CORIN: variants seen among roughly 807,000 people sequenced by gnomAD.
CORIN encodes atrial natriuretic peptide-converting enzyme.
Under a neutral mutation model 125.3 loss-of-function variants are expected in CORIN, and 117 were observed. That is an observed-to-expected ratio of 0.93 (90% CI 0.80 to 1.09). The LOEUF is 1.09. Among genes scored for constraint, CORIN ranks in the 50% least tolerant of loss-of-function variants. CORIN has a pLI of 0.00. For missense variants in CORIN, 1,253 were observed against 1,306.7 expected (o/e 0.96, Z 0.63); for synonymous variants, 450 against 466.4 (o/e 0.96, Z 0.45).
chr4:47,607,204 C>T (rs1441467406), intron 19 of CORIN, among the ~76,000 whole-genome samples: 2 of 152,024 alleles, frequency 1.3e-5, no homozygotes, highest in African/African-American at 4.8e-5. Flanking sequence ...GTCAGGAGAC[C>T]GAGACCATCC....
intron 5 of CORIN, among the ~76,000 whole-genome samples, chr4:47,719,071 C>CCT (rs1244138094): frequency 2.6e-5 from 4 of 152,186 alleles, no homozygotes; most frequent in African/African-American, 9.7e-5. Context: ...GCAGCTCAAG[C>CCT]CTCTCTCCTG....
chr4:47,830,358 C>A (rs1732928050), intron 1 of CORIN, among the ~76,000 whole-genome samples: 1 of 152,094 alleles, frequency 6.6e-6, no homozygotes, highest in Non-Finnish European at 1.5e-5. Context: ...AAAAAGGATA[C>A]ACATAAAAGG....
chr4:47,726,613 T>G (rs1727608452), intron 5 of CORIN, among the ~76,000 whole-genome samples: 1 of 152,044 alleles, frequency 6.6e-6, no homozygotes, highest in Non-Finnish European at 1.5e-5. Context: ...GTAATCTAAT[T>G]TTGTGGTGGT....
At chr4:47,837,812 G>C (rs913557307) in intron 1 of CORIN, 75 bp downstream of exon 1, 1 of 1,325,744 alleles carries the variant, frequency 7.5e-7, no homozygotes, top group East Asian at 2.3e-5. Context: ...GGGCGGGAGG[G>C]GCTGACCCTG....
intron 5 of CORIN, among the ~76,000 whole-genome samples, chr4:47,703,647 T>C (rs937452746): frequency 5.3e-5 from 8 of 152,222 alleles, no homozygotes; most frequent in African/African-American, 1.9e-4. Context: ...TAATCAGTAA[T>C]GGACATAAAG....
rs569082799 is a variant in CORIN, at chr4:47,619,316, C to T, written c.2540+4255G>A. ...TAAATATAATTAAAAAAGAGACAGG[C>T]TGAGGATACCCACCAATGGGTCACT... is the stretch of plus-strand genomic sequence containing the variant. On this transcript the variant is annotated intron_variant, in intron 19 of 21. Transcript: ENST00000273857. Among the ~76,000 whole-genome samples, 7 of 152,278 alleles carry T rather than the reference C, an allele frequency of 4.6e-5. No homozygotes were observed. In the South Asian group the frequency reaches 1.5e-3, roughly 32 times the overall value.
At position 47,680,205 on chromosome 4, in the gene CORIN, G is replaced by A. The variant is rs374710232; in HGVS notation, c.1068C>T (p.Ile356=). ...CACCATCACACACCCACTCCATGGC[G>A]ATGCAGCGCCCGTCCCCGCAGCGAT... ...TEHRCGDGRC[I]AMEWVCDGDH... The change falls in exon 8 of 22, where the codon ATC becomes ATT. Residue 356 remains isoleucine (I), a synonymous_variant. Transcript: ENST00000273857. 243 of 1,613,882 alleles carry A rather than the reference G, an allele frequency of 1.5e-4. No individual in the cohort carries two copies. Among genetic ancestry groups the A allele is most frequent in the Non-Finnish European group, 1.9e-4 (229 of 1,179,934 alleles).
chr4:47,634,507 G>A (rs982203169), intron 16 of CORIN, among the ~76,000 whole-genome samples: 6 of 152,076 alleles, frequency 3.9e-5, no homozygotes, highest in Admixed American at 6.6e-5. Flanking sequence ...GGTGGTGAGT[G>A]CCTGTAATCC....
chr4:47,761,418 T>A (rs932566613), intron 4 of CORIN, among the ~76,000 whole-genome samples: 1 of 151,378 alleles, frequency 6.6e-6, no homozygotes, highest in Non-Finnish European at 1.5e-5. Context: ...AATGGAACAA[T>A]AGTCAATATA....
At chr4:47,615,666 G>T (rs975002628) in intron 19 of CORIN, among the ~76,000 whole-genome samples, 3 of 152,080 alleles carry the variant, frequency 2.0e-5, no homozygotes, top group Non-Finnish European at 4.4e-5. Context: ...ACCAAAAATT[G>T]CCAGGAAACC....
intron 3 of CORIN, among the ~76,000 whole-genome samples, chr4:47,776,544 C>T (rs959052569): frequency 6.6e-6 from 1 of 152,204 alleles, no homozygotes; most frequent in African/African-American, 2.4e-5. Flanking sequence ...ATCAGGACAT[C>T]ATAAATCAGT....
At chr4:47,658,936 G>A (rs1038246353) in intron 12 of CORIN, among the ~76,000 whole-genome samples, 1 of 152,160 alleles carries the variant, frequency 6.6e-6, no homozygotes, top group African/African-American at 2.4e-5. Context: ...CTGAGCACAG[G>A]CTGTTAGACG....
intron 10 of CORIN, among the ~76,000 whole-genome samples, chr4:47,671,748 CTAA>C (rs1398738785): frequency 6.6e-6 from 1 of 151,952 alleles, no homozygotes; most frequent in African/African-American, 2.4e-5. Flanking sequence ...CCATGCCCGG[CTAA>C]TTTTTTTTTT....
chr4:47,705,744 T>C (rs1726522260), intron 5 of CORIN, among the ~76,000 whole-genome samples: 1 of 152,136 alleles, frequency 6.6e-6, no homozygotes, highest in Non-Finnish European at 1.5e-5. Flanking sequence ...GAAAGAAATT[T>C]ATTAACTGCT....
At position 47,643,261 on chromosome 4, in the gene CORIN, C is replaced by A; in HGVS notation, c.1958-5G>T. 6.3e-7 allele frequency: 1 copy of A among 1,586,078 alleles called. No homozygotes were observed. The highest frequency in any genetic ancestry group is 8.6e-7 in the Non-Finnish European group (1 of 1,166,004). ...GCTCATCATCTTGGCAAAATGCTGGCATGGGGAACAAAAAGTGAGAAGGAA... is the reference window on the plus strand; with the variant it reads ...GCTCATCATCTTGGCAAAATGCTGGAATGGGGAACAAAAAGTGAGAAGGAA... On this transcript the variant is annotated splice_region_variant and splice_polypyrimidine_tract_variant and intron_variant, in intron 14 of 21. Coordinates refer to ENST00000273857, the MANE Select transcript of CORIN (RefSeq NM_006587.4).
chr4:47,625,182 C>T (rs555311424), intron 17 of CORIN, among the ~76,000 whole-genome samples: 3 of 152,160 alleles, frequency 2.0e-5, no homozygotes, highest in South Asian at 2.1e-4. Flanking sequence ...AGATGAGGGC[C>T]TTCATTTCCC....
At chr4:47,804,731 TGGGGA>T (rs201983275) in intron 2 of CORIN, among the ~76,000 whole-genome samples, 1,429 of 13,446 alleles carry the variant, frequency 0.11, 20 homozygotes, top group East Asian at 0.26. Context: ...TGGTGGGGGG[TGGGGA>T]GGGGGGGGGT....
At chr4:47,680,407 G>A (rs1012672997) in intron 7 of CORIN, 156 bp from the exon 8 acceptor site, 8 of 583,540 alleles carry the variant, frequency 1.4e-5, no homozygotes, top group East Asian at 3.0e-5. Flanking sequence ...AAAATGCCAC[G>A]CCCTCCCCAC....
At chr4:47,601,590 A>T (rs947181562) in intron 20 of CORIN, among the ~76,000 whole-genome samples, 2 of 151,904 alleles carry the variant, frequency 1.3e-5, no homozygotes, top group Non-Finnish European at 2.9e-5. Context: ...GCTATACTAC[A>T]TGTGTGGAGT....
Sources: allele counts gnomAD v4.1 joint callset (sites outside exome capture counted in the v4.1 genomes callset), GRCh38; gene constraint gnomAD v4.1.1; transcripts MANE v1.5; gene names NCBI Gene and HGNC (gene_info 2026-07-23, HGNC 2026-07-21).